SBNO2: variants seen among roughly 807,000 people sequenced by gnomAD.
The protein encoded by SBNO2 is strawberry notch homolog 2.
SBNO2 carries 89 observed loss-of-function variants against 146.3 expected under a neutral mutation model. The observed-to-expected ratio is 0.61, with a 90% CI of 0.51 to 0.73. SBNO2 has a LOEUF of 0.73. SBNO2 is among the 30% of genes least tolerant of loss of function. The pLI, the probability that SBNO2 is intolerant of heterozygous loss-of-function variation, is 0.00. For missense variants in SBNO2, 2,092 were observed against 2,003.7 expected (o/e 1.04, Z -0.84); for synonymous variants, 1,147 against 892.6 (o/e 1.29, Z -5.08).
chr19:1,134,138 C>CCACAGCTCACGGGTGGACT (rs1469195588), intron 4 of SBNO2, among the ~76,000 whole-genome samples: 1,383 of 135,426 alleles, frequency 0.01, 67 homozygotes, highest in Non-Finnish European at 0.015. Flanking sequence ...CCCATAGGAC[C>CCACAGCTCACGGGTGGACT]CACAGCTCAC....
chr19:1,127,535 G>T, intron 5 of SBNO2, 69 bp downstream of exon 5: 1 of 1,456,132 alleles, frequency 6.9e-7, no homozygotes, highest in Non-Finnish European at 9.5e-7. Flanking sequence ...TCACTGGACC[G>T]TGTGGGTCCC....
intron 14 of SBNO2, among the ~76,000 whole-genome samples, chr19:1,118,195 C>G (rs758098128): frequency 6.6e-6 from 1 of 152,030 alleles, no homozygotes; most frequent in Non-Finnish European, 1.5e-5. Context: ...TAAAATTGGC[C>G]GGGCTGGTGG....
At chr19:1,160,434 T>A (rs919696622) in intron 1 of SBNO2, among the ~76,000 whole-genome samples, 3 of 152,034 alleles carry the variant, frequency 2.0e-5, no homozygotes, top group Non-Finnish European at 4.4e-5. Flanking sequence ...CTGGCTGCAG[T>A]GAGTGCCTGG....
At chr19:1,166,977 C>A (rs982120197) in intron 1 of SBNO2, among the ~76,000 whole-genome samples, 16 of 152,274 alleles carry the variant, frequency 1.1e-4, no homozygotes, top group East Asian at 1.9e-4. Flanking sequence ...CCGGTCACCA[C>A]TGTCCTTGAG....
chr19:1,173,276 C>A lies in SBNO2; in HGVS notation c.-127+896G>T, dbSNP rs1161023210. The stretch of plus-strand genomic sequence containing the variant: ...TTCACCGACACACGCTGCTCCCGGG[C>A]CCCACTCGGGCCATCTCAGCCCGCT... On this transcript the variant is annotated intron_variant, in intron 1 of 31. Coordinates refer to ENST00000361757, the MANE Select transcript of SBNO2 (RefSeq NM_014963.3). This position sits in a 1 kb window ranked among gnomAD's most constrained non-coding sequence, Gnocchi z 4.7. 6.6e-6 allele frequency among the ~76,000 whole-genome samples: 1 copy of A among 152,096 alleles called. No homozygotes were observed. Among genetic ancestry groups the A allele is most frequent in the Non-Finnish European group, 1.5e-5 (1 of 68,032 alleles).
chr19:1,109,742 TCTC>T lies in SBNO2; in HGVS notation c.3061_3063del (p.Glu1021del). The T allele has an allele frequency of 2.0e-6, 3 of 1,530,018 alleles. No homozygotes were observed. Among genetic ancestry groups the T allele is most frequent in the Non-Finnish European group, 2.7e-6 (3 of 1,130,442 alleles). 94.8% of individuals were successfully genotyped at this position (1,530,018 alleles called of 1,614,324 possible). A position where few individuals can be genotyped will look rare whatever the true frequency, so the allele number is the denominator to read the frequency against. On this transcript the variant is annotated inframe_deletion, in exon 27 of 32. Transcript: ENST00000361757. This position sits in a 1 kb window ranked among gnomAD's most constrained non-coding sequence, Gnocchi z 4.2. ...CCGGGAGCCAGGAACACCTGCTGGC[TCTC>T]CTCGTAGATCTCCTCGATACCGGGA...
At chr19:1,125,461 G>T (rs1325349240) in intron 5 of SBNO2, among the ~76,000 whole-genome samples, 1 of 151,592 alleles carries the variant, frequency 6.6e-6, no homozygotes, top group Non-Finnish European at 1.5e-5. Flanking sequence ...ACCTGAGGTT[G>T]GGAGTTCAAG....
In SBNO2 at chr19:1,158,219, C is replaced by A. The variant is rs1294888752; in HGVS notation, c.-126-3817G>T. ...CCCTCCCCCTGGGGGTCCCTGAGCA[C>A]CTGTCGTGTGGAGCCCCTTCGCGCG... is the stretch of plus-strand genomic sequence containing the variant. On this transcript the variant is annotated intron_variant, in intron 1 of 31. Coordinates refer to ENST00000361757, the MANE Select transcript of SBNO2 (RefSeq NM_014963.3). This position sits in a 1 kb window ranked among gnomAD's most constrained non-coding sequence, Gnocchi z 9.9. 1.3e-5 allele frequency among the ~76,000 whole-genome samples: 2 copies of A among 152,200 alleles called. No homozygotes were observed. Among genetic ancestry groups the A allele is most frequent in the African/African-American group, 4.8e-5 (2 of 41,446 alleles).
At chr19:1,147,219 G>A (rs1382795452) in intron 4 of SBNO2, 90 bp downstream of exon 4, 22 of 869,488 alleles carry the variant, frequency 2.5e-5, no homozygotes, top group African/African-American at 5.3e-5. Flanking sequence ...TCCCAGGCAG[G>A]CCTGAGCGAG....
intron 2 of SBNO2, among the ~76,000 whole-genome samples, chr19:1,152,764 T>C (rs893026467): frequency 2.6e-5 from 4 of 152,104 alleles, no homozygotes; most frequent in African/African-American, 7.2e-5. Context: ...CAGGCCAACC[T>C]GGGTGTTGGG....
Position 1,142,470 on chromosome 19 carries a change from A to G in SBNO2, c.279+4839T>C, listed in dbSNP as rs1472629836. On this transcript the variant is annotated intron_variant, in intron 4 of 31. Coordinates refer to ENST00000361757, the MANE Select transcript of SBNO2 (RefSeq NM_014963.3). ...GTTACCAGGCGGATCGCCTGAGGTC[A>G]GGAGTTCGAGACCAGCCTGGCCAAT... 3.9e-5 allele frequency among the ~76,000 whole-genome samples: 6 copies of G among 152,392 alleles called. No individual in the cohort carries two copies. In the East Asian group the frequency reaches 1.2e-3, roughly 29 times the overall value.
At chr19:1,117,246 GA>G in intron 15 of SBNO2, 76 bp downstream of exon 15, 1 of 1,414,298 alleles carries the variant, frequency 7.1e-7, no homozygotes, top group Non-Finnish European at 9.5e-7. Context: ...GAGGGGCCAG[GA>G]AGGACCTGGA....
chr19:1,107,661 T>C lies in SBNO2; in HGVS notation c.*559A>G, dbSNP rs1160942941. 1 of 152,468 alleles carries C rather than the reference T, an allele frequency of 6.6e-6. No individual in the cohort carries two copies. Among genetic ancestry groups the C allele is most frequent in the Admixed American group, 6.5e-5 (1 of 15,280 alleles). The allele number at this position is 152,468 out of a possible 1,614,324, so 9.4% of individuals were successfully genotyped here. ...GGAAGTAGGCAAAAGGCACATATAT[T>C]TAAAAAAGTCCTTTACATATGTACA... On this transcript the variant is annotated 3_prime_UTR_variant, in exon 32 of 32. Transcript: ENST00000361757.
intron 18 of SBNO2, 141 bp downstream of exon 18, chr19:1,114,090 T>G: frequency 1.3e-6 from 1 of 744,490 alleles, no homozygotes; most frequent in South Asian, 2.1e-5. Context: ...TGGGCTGGAC[T>G]GAGGGCTACA....
intron 1 of SBNO2, among the ~76,000 whole-genome samples, chr19:1,170,565 C>A (rs1315356727): frequency 6.6e-6 from 1 of 152,120 alleles, no homozygotes; most frequent in African/African-American, 2.4e-5. Flanking sequence ...ACACAGCCCT[C>A]GGCTGTGGAA....
chr19:1,122,826 T>G, intron 8 of SBNO2, 35 bp from the exon 9 acceptor site: 1 of 1,537,030 alleles, frequency 6.5e-7, no homozygotes. Context: ...GGCCTGGGGG[T>G]GCTGGCCCGG....
At position 1,111,554 on chromosome 19, in the gene SBNO2, C is replaced by T. The variant is rs771883775; in HGVS notation, c.2761G>A (p.Val921Met). ...CCAGGGTATCCCTGGGGCACAGGCA[C>T]TTTGTTCTCAGTCTGGCTCAGGATG... is the stretch of plus-strand genomic sequence containing the variant. ...TTILSQTENK[V>M]PVPQGYPGGV... Residue 921 changes from valine to methionine, a missense_variant, in exon 24 of 32, where the codon GTG (valine) becomes ATG (methionine). Coordinates refer to ENST00000361757, the MANE Select transcript of SBNO2 (RefSeq NM_014963.3). The T allele has an allele frequency of 5.6e-6, 9 of 1,597,420 alleles. No individual in the cohort carries two copies. Among genetic ancestry groups the T allele is most frequent in the Non-Finnish European group, 7.7e-6 (9 of 1,172,460 alleles).
Position 1,109,145 on chromosome 19 carries a change from G to C in SBNO2, c.3415C>G (p.His1139Asp). ...GYALSLTHCSHSAWNRHCRLA... is the reference protein window; with the variant it reads ...GYALSLTHCSDSAWNRHCRLA... ...CCGGCCCGCCCTCACCAGGCGCTGT[G>C]GCTGCAGTGCGTCAGCGACAAAGCG... The change falls in exon 30 of 32, where the codon CAC becomes GAC. Residue 1139 changes from histidine to aspartate, a missense_variant. By Grantham distance (81) the His-to-Asp change is moderately conservative. Coordinates refer to ENST00000361757, the MANE Select transcript of SBNO2 (RefSeq NM_014963.3). This position sits in a 1 kb window ranked among gnomAD's most constrained non-coding sequence, Gnocchi z 4.2. 1 of 1,553,680 alleles carries C rather than the reference G, an allele frequency of 6.4e-7. No homozygotes were observed. Among genetic ancestry groups the C allele is most frequent in the Non-Finnish European group, 8.7e-7 (1 of 1,149,160 alleles).
In SBNO2 at chr19:1,114,379, G is replaced by C; in HGVS notation, c.1929C>G (p.Cys643Trp). 6.4e-7 allele frequency: 1 copy of C among 1,553,506 alleles called. No homozygotes were observed. Reference protein sequence around the residue: ...GRGAKAPRLACETAGVIRISD... With the variant: ...GRGAKAPRLAWETAGVIRISD... ...TGATGCGGATGACGCCCGCTGTCTC[G>C]CACGCCAGCCGGGGGGCTTTGGCCC... is the stretch of plus-strand genomic sequence containing the variant. The change falls in exon 18 of 32, where the codon TGC becomes TGG. Residue 643 changes from cysteine to tryptophan, a missense_variant. Physicochemically the swap from Cys to Trp is radical, Grantham distance 215 (BLOSUM62 -2). Transcript: ENST00000361757.
Sources: gnomAD v4.1 joint callset for allele counts (sites outside exome capture counted in the v4.1 genomes callset) on GRCh38, gnomAD v4.1.1 for gene constraint, Gnocchi (gnomAD v3.1) non-coding constraint, MANE v1.5 for transcripts, NCBI Gene and HGNC (gene_info 2026-07-23, HGNC 2026-07-21) for gene names.